TTC28: variants seen among roughly 807,000 people sequenced by gnomAD.
TTC28 encodes the protein tetratricopeptide repeat domain 28, also known as tetratricopeptide repeat protein 28.
Under a neutral mutation model 198.0 loss-of-function variants are expected in TTC28, and 61 were observed. The observed-to-expected ratio is 0.31, with a 90% CI of 0.25 to 0.38. The LOEUF is 0.38. TTC28 is among the 10% of genes least tolerant of loss of function. The probability of loss-of-function intolerance (pLI) is 1.00; values close to 1 mark genes in which losing one functional copy is unlikely to be tolerated. For missense variants in TTC28, 2,678 were observed against 3,164.0 expected (o/e 0.85, Z 3.69); for synonymous variants, 1,171 against 1,297.8 (o/e 0.90, Z 2.10).
chr22:28,025,942 CA>C (rs1938813842), intron 13 of TTC28, among the ~76,000 whole-genome samples: 1 of 152,198 alleles, frequency 6.6e-6, no homozygotes, highest in Admixed American at 6.5e-5. Flanking sequence ...TGCCAGGTCT[CA>C]GCTTACCGGC....
intron 2 of TTC28, among the ~76,000 whole-genome samples, chr22:28,402,051 C>G (rs182708071): frequency 1.1e-3 from 168 of 152,330 alleles, no homozygotes; most frequent in African/African-American, 3.8e-3. Context: ...GCACTAATTA[C>G]ACTTAAATAT....
chr22:28,243,129 A>C (rs1312450846), intron 5 of TTC28, among the ~76,000 whole-genome samples: 1 of 139,340 alleles, frequency 7.2e-6, no homozygotes, highest in Non-Finnish European at 1.5e-5. Flanking sequence ...CTTGAGCCCA[A>C]GAGTTTGAGA....
chr22:28,081,669 T>A (rs1941368244), intron 12 of TTC28, among the ~76,000 whole-genome samples: 1 of 152,066 alleles, frequency 6.6e-6, no homozygotes. Flanking sequence ...ATTTTGTACA[T>A]TTAGTAGAGA....
chr22:28,300,363 G>C (rs1000096422), intron 3 of TTC28, among the ~76,000 whole-genome samples: 9 of 152,156 alleles, frequency 5.9e-5, no homozygotes, highest in African/African-American at 1.9e-4. Flanking sequence ...AGCTAAGTTA[G>C]AGAAATAATC....
intron 1 of TTC28, among the ~76,000 whole-genome samples, chr22:28,637,769 A>G (rs534829510): frequency 1.3e-5 from 2 of 151,940 alleles, no homozygotes; most frequent in African/African-American, 2.4e-5. Flanking sequence ...AAAAAAAAAC[A>G]GGACCCAAAG....
Position 27,985,188 on chromosome 22 carries a change from C to T in TTC28, c.5815+61G>A, listed in dbSNP as rs1267628643. 3.1e-5 allele frequency: 39 copies of T among 1,244,442 alleles called. No individual in the cohort carries two copies. In the East Asian group the frequency reaches 4.6e-4, roughly 15 times the overall value. 77.1% of individuals were successfully genotyped at this position (1,244,442 alleles called of 1,614,324 possible). A position where few individuals can be genotyped will look rare whatever the true frequency, so the allele number is the denominator to read the frequency against. ...CTTCCCAAAATGTATGTGCTGGTGT[C>T]GGCCCCCAGGGAGAGCATGGCAGGC... On this transcript the variant is annotated intron_variant, in intron 22 of 22. Transcript: ENST00000397906.
rs1443908631 is a variant in TTC28 at position 28,435,794 on chromosome 22, T to C, written c.382-129151A>G. 6.6e-5 allele frequency among the ~76,000 whole-genome samples: 10 copies of C among 152,234 alleles called. No homozygotes were observed. The East Asian group carries it at 1.9e-3, about 29-fold the overall frequency. ...TCAAATGTTCCTGGAAGTAGTTTTC[T>C]ATAGATGACCATTCCCTACCAATTT... On this transcript the variant is annotated intron_variant, in intron 2 of 22. Coordinates refer to ENST00000397906, the MANE Select transcript of TTC28 (RefSeq NM_001145418.2).
chr22:28,287,134 A>G (rs2044700680), intron 5 of TTC28, among the ~76,000 whole-genome samples: 1 of 152,184 alleles, frequency 6.6e-6, no homozygotes, highest in Non-Finnish European at 1.5e-5. Context: ...AAAAAGCTAT[A>G]ATAACTAAGA....
intron 2 of TTC28, among the ~76,000 whole-genome samples, chr22:28,620,648 A>C (rs2050979822): frequency 6.6e-6 from 1 of 152,244 alleles, no homozygotes; most frequent in African/African-American, 2.4e-5. Flanking sequence ...AAAATGTAGA[A>C]GTGGTCCAGT....
At chr22:28,351,663 A>G (rs140398383) in intron 2 of TTC28, among the ~76,000 whole-genome samples, 1 of 152,330 alleles carries the variant, frequency 6.6e-6, no homozygotes, top group Non-Finnish European at 1.5e-5. Context: ...GAGCAGAAAA[A>G]TGGTCTCTGC....
chr22:28,140,262 G>T (rs1435796706), intron 6 of TTC28, among the ~76,000 whole-genome samples: 1 of 152,194 alleles, frequency 6.6e-6, no homozygotes, highest in Non-Finnish European at 1.5e-5. Flanking sequence ...AGAGGTATGT[G>T]CTGTATTGCT....
chr22:28,019,237 C>T (rs1938496804), intron 13 of TTC28, among the ~76,000 whole-genome samples: 1 of 152,278 alleles, frequency 6.6e-6, no homozygotes, highest in East Asian at 1.9e-4. Flanking sequence ...TCTTGTAGGG[C>T]CTCTTCTAGG....
Position 27,998,525 on chromosome 22 carries a change from C to G in TTC28, c.5119+15G>C, listed in dbSNP as rs1355732741. On this transcript the variant is annotated intron_variant, in intron 16 of 22. Transcript: ENST00000397906. ...CCAGGCCTTGACAGGCACCCGCAGC[C>G]AGCCGAACTCCCACCTGCCCAGTTG... is the stretch of plus-strand genomic sequence containing the variant. 6.5e-7 allele frequency: 1 copy of G among 1,542,098 alleles called. No homozygotes were observed. Among genetic ancestry groups the G allele is most frequent in the African/African-American group, 1.4e-5 (1 of 72,950 alleles).
chr22:27,998,754 G>A lies in TTC28; in HGVS notation c.4905C>T (p.Ala1635=), dbSNP rs750155927. ...CCCTTGTCAGCGCGATGACCCCGTC[G>A]GCTGTGACTTTGCTGTTGGACTCCT... is the stretch of plus-strand genomic sequence containing the variant. ...SSQESNSKVT[A]DGVIALTRAF... The change falls in exon 16 of 23, where the codon GCC becomes GCT. Residue 1635 remains alanine (A), a synonymous_variant. Transcript: ENST00000397906. 1.0e-4 allele frequency: 156 copies of A among 1,550,620 alleles called. No homozygotes were observed. Among genetic ancestry groups the A allele is most frequent in the Non-Finnish European group, 1.3e-4 (148 of 1,147,010 alleles).
intron 2 of TTC28, among the ~76,000 whole-genome samples, chr22:28,313,637 G>A (rs186745076): frequency 9.9e-5 from 15 of 152,172 alleles, no homozygotes; most frequent in Admixed American, 9.2e-4. Context: ...ATAGAGGCAC[G>A]AAAGGCCTTC....
At chr22:28,000,328 A>C (rs568550700) in intron 15 of TTC28, 1 of 152,264 alleles carries the variant, frequency 6.6e-6, no homozygotes, top group African/African-American at 2.4e-5. Flanking sequence ...CCAATGAGCA[A>C]GTCATCAAAG....
At chr22:28,516,145 C>CAA (rs771403698) in intron 2 of TTC28, among the ~76,000 whole-genome samples, 7 of 99,768 alleles carry the variant, frequency 7.0e-5, no homozygotes, top group East Asian at 2.8e-4. Context: ...AACTCCATCT[C>CAA]AAAAAAAAAA....
chr22:28,180,565 A>T (rs932852542), intron 5 of TTC28, among the ~76,000 whole-genome samples: 1 of 151,964 alleles, frequency 6.6e-6, no homozygotes, highest in African/African-American at 2.4e-5. Flanking sequence ...GAATCCCAAA[A>T]TATGTACATA....
intron 2 of TTC28, among the ~76,000 whole-genome samples, chr22:28,364,054 G>C (rs1315663993): frequency 6.6e-6 from 1 of 152,086 alleles, no homozygotes; most frequent in East Asian, 1.9e-4. Context: ...TTGAAATGTA[G>C]GACATGAGAC....
Sources: allele counts gnomAD v4.1 joint callset (sites outside exome capture counted in the v4.1 genomes callset), GRCh38; gene constraint gnomAD v4.1.1; transcripts MANE v1.5; gene names NCBI Gene and HGNC (gene_info 2026-07-23, HGNC 2026-07-21).